TBC1D31: variants seen among roughly 807,000 people sequenced by gnomAD.
TBC1D31 encodes the protein WD repeat domain 67.
A neutral mutation model predicts 132.9 loss-of-function variants in TBC1D31; 99 were observed. The ratio of observed to expected loss-of-function variants is 0.74; its 90% CI spans 0.63 to 0.88. The LOEUF (loss-of-function observed/expected upper bound fraction) is 0.88, where lower values mean the gene tolerates loss of function less well. Ranked by LOEUF, TBC1D31 falls within the 40% of genes least tolerant of loss-of-function variation. TBC1D31 has a pLI of 0.00. For synonymous variants in TBC1D31, 385 were observed against 419.4 expected, an observed-to-expected ratio of 0.92 and a Z score of 1.00; for missense variants, 1,134 against 1,256.6, an observed-to-expected ratio of 0.90 and a Z score of 1.48.
intron 2 of TBC1D31, 168 bp from the exon 3 acceptor site, chr8:123,082,534 A>G (rs1815275001): frequency 1.7e-6 from 1 of 583,786 alleles, no homozygotes; most frequent in Non-Finnish European, 3.0e-6. Context: ...TTCTGATAAC[A>G]TCCAAACTCC....
chr8:123,147,543 A>G (rs1043703734), intron 20 of TBC1D31, among the ~76,000 whole-genome samples: 3 of 152,212 alleles, frequency 2.0e-5, no homozygotes, highest in Admixed American at 2.0e-4. Flanking sequence ...GAAAGGTAAG[A>G]AACTGTGAAA....
chr8:123,086,924 G>A (rs1376165637), intron 4 of TBC1D31, among the ~76,000 whole-genome samples: 1 of 152,132 alleles, frequency 6.6e-6, no homozygotes, highest in Non-Finnish European at 1.5e-5. Context: ...CACCATGTTA[G>A]CCAGGCCGGT....
At chr8:123,108,511 G>T (rs562174650) in intron 8 of TBC1D31, among the ~76,000 whole-genome samples, 8 of 152,130 alleles carry the variant, frequency 5.3e-5, no homozygotes, top group African/African-American at 1.7e-4. Context: ...AGAGAGAGGT[G>T]GGGGAGGAGC....
intron 7 of TBC1D31, chr8:123,103,228 C>A (rs1389065418): frequency 6.6e-6 from 1 of 152,162 alleles, no homozygotes; most frequent in Non-Finnish European, 1.5e-5. Flanking sequence ...TGTATGCATA[C>A]TTGTCTCTAA....
At chr8:123,141,841 GCTCTTTTTTTTT>G (rs1821719203) in intron 18 of TBC1D31, among the ~76,000 whole-genome samples, 1 of 115,998 alleles carries the variant, frequency 8.6e-6, no homozygotes, top group African/African-American at 3.4e-5. Context: ...CACTTGAAGA[GCTCTTTTTTTTT>G]TTTTTTTTTT....
intron 2 of TBC1D31, among the ~76,000 whole-genome samples, chr8:123,078,576 A>G (rs1245021400): frequency 6.6e-6 from 1 of 152,224 alleles, no homozygotes; most frequent in East Asian, 1.9e-4. Context: ...ACTAAAAAGA[A>G]TCAAGGATAT....
Position 123,120,149 on chromosome 8 carries a change from A to G in TBC1D31, c.1531A>G (p.Asn511Asp). ...AFPFVKLFQNNQLICFEVIAT... is the reference protein window; with the variant it reads ...AFPFVKLFQNDQLICFEVIAT... ...TCCATTTGTAAAATTATTCCAGAAC[A>G]ACCAACTCATCTGTTTTGAAGTTAT... Residue 511 changes from asparagine (N) to aspartate (D), a missense_variant, in exon 11 of 22, where the codon AAC (asparagine) becomes GAC (aspartate). Transcript: ENST00000287380. 2 of 1,610,394 alleles carry G rather than the reference A, an allele frequency of 1.2e-6. No homozygotes were observed. The highest frequency in any genetic ancestry group is 2.2e-5 in the South Asian group (2 of 90,570).
intron 20 of TBC1D31, among the ~76,000 whole-genome samples, chr8:123,146,767 C>T (rs987530386): frequency 6.6e-6 from 1 of 152,024 alleles, no homozygotes. Context: ...TTACTGCAAC[C>T]TCTGCCTCCT....
chr8:123,105,259 A>AAT (rs769323255), intron 7 of TBC1D31, 29 bp from the exon 8 acceptor site: 34 of 1,456,778 alleles, frequency 2.3e-5, no homozygotes, highest in South Asian at 1.0e-4. Context: ...TATCCATTAG[A>AAT]ATATATATAT....
At chr8:123,162,651 G>A in the TBC1D31 span, among the ~76,000 whole-genome samples, 2 of 152,088 alleles carry the variant, frequency 1.3e-5, no homozygotes, top group African/African-American at 2.4e-5. Context: ...CAGGAAAGAG[G>A]GGCCTGTTTG....
intron 20 of TBC1D31, among the ~76,000 whole-genome samples, chr8:123,149,227 C>T (rs1422308114): frequency 6.8e-6 from 1 of 146,010 alleles, no homozygotes; most frequent in African/African-American, 2.5e-5. Context: ...CTCTTAGATT[C>T]CAGTCCCCCA....
rs1433207920 is a variant in TBC1D31, at chr8:123,134,172, TG to T, written c.2467del (p.Glu823AsnfsTer45). The T allele has an allele frequency of 6.2e-7, 1 of 1,614,002 alleles. No individual in the cohort carries two copies. Among genetic ancestry groups the T allele is most frequent in the Non-Finnish European group, 8.5e-7 (1 of 1,179,908 alleles). ...GCCAGAGACCTAGAAATGAGACAGC[TG>T]GAACTCGAATCACAAAAGAGACTTT... ...ATARDLEMRQLELESQKRLYE... is the reference protein window; with the variant it reads ...ATARDLEMRQXELESQKRLYE... On this transcript the variant is annotated frameshift_variant, in exon 17 of 22. Coordinates refer to ENST00000287380, the MANE Select transcript of TBC1D31 (RefSeq NM_145647.4). LOFTEE classifies it high-confidence loss of function.
chr8:123,092,305 G>T (rs992379270), intron 4 of TBC1D31, among the ~76,000 whole-genome samples: 1 of 152,182 alleles, frequency 6.6e-6, no homozygotes, highest in East Asian at 1.9e-4. Context: ...GTGAGCCACC[G>T]TGCCTAGCCA....
At chr8:123,106,236 A>C (rs1817910831) in intron 8 of TBC1D31, among the ~76,000 whole-genome samples, 1 of 152,320 alleles carries the variant, frequency 6.6e-6, no homozygotes, top group Admixed American at 6.5e-5. Flanking sequence ...TTTAAATTGC[A>C]CACCGTTCTG....
chr8:123,139,004 T>A (rs2130883165), intron 17 of TBC1D31, among the ~76,000 whole-genome samples: 1 of 152,230 alleles, frequency 6.6e-6, no homozygotes, highest in East Asian at 1.9e-4. Context: ...GAGAGGGTTT[T>A]ACTATGTTGC....
At chr8:123,157,310 A>G in the TBC1D31 span, among the ~76,000 whole-genome samples, 16 of 152,246 alleles carry the variant, frequency 1.1e-4, no homozygotes, top group African/African-American at 3.6e-4. Context: ...GGCACCTAGT[A>G]AGGGTTTCCG....
At chr8:123,079,545 G>T (rs1360292716) in intron 2 of TBC1D31, among the ~76,000 whole-genome samples, 1 of 151,984 alleles carries the variant, frequency 6.6e-6, no homozygotes, top group African/African-American at 2.4e-5. Flanking sequence ...CAGTACCACT[G>T]TCTATTTGCT....
chr8:123,164,186 G>A, the TBC1D31 span, among the ~76,000 whole-genome samples: 5 of 152,294 alleles, frequency 3.3e-5, no homozygotes, highest in South Asian at 2.1e-4. Context: ...TCAAGTCTTC[G>A]CATTCTCCTT....
rs751724482 is a variant in TBC1D31, at chr8:123,126,572, A to G, written c.1769A>G (p.Lys590Arg). ...SEVLTREEWL[K>R]LFDNIFSNHP... ...GTGCTGACAAGAGAGGAGTGGCTGAAATTGTTCGATAATATCTTTTCCAAC... is the reference window on the plus strand; with the variant it reads ...GTGCTGACAAGAGAGGAGTGGCTGAGATTGTTCGATAATATCTTTTCCAAC... Residue 590 changes from lysine to arginine, a missense_variant, in exon 13 of 22, where the codon AAA (lysine) becomes AGA (arginine). Physicochemically the swap from Lys to Arg is conservative, Grantham distance 26. Coordinates refer to ENST00000287380, the MANE Select transcript of TBC1D31 (RefSeq NM_145647.4). The G allele has an allele frequency of 6.2e-7, 1 of 1,614,020 alleles. No homozygotes were observed. The highest frequency in any genetic ancestry group is 1.7e-5 in the Admixed American group (1 of 59,994).
Sources: gnomAD v4.1 joint callset for allele counts (sites outside exome capture counted in the v4.1 genomes callset) on GRCh38, gnomAD v4.1.1 for gene constraint, MANE v1.5 for transcripts, NCBI Gene and HGNC (gene_info 2026-07-23, HGNC 2026-07-21) for gene names.